MPP7: variants seen among roughly 807,000 people sequenced by gnomAD.
MPP7 encodes the protein MAGUK p55 subfamily member 7.
A neutral mutation model predicts 76.5 loss-of-function variants in MPP7; 60 were observed. The ratio of observed to expected loss-of-function variants is 0.78; its 90% CI spans 0.64 to 0.97. The LOEUF is 0.97. Ranked by LOEUF, MPP7 falls within the 50% of genes least tolerant of loss-of-function variation. The pLI is 0.00. For synonymous variants in MPP7, 237 were observed against 244.5 expected (o/e 0.97, Z 0.29); for missense variants, 641 against 694.0 (o/e 0.92, Z 0.86).
chr10:28,167,845 G>C (rs1232419508), intron 3 of MPP7, among the ~76,000 whole-genome samples: 1 of 152,260 alleles, frequency 6.6e-6, no homozygotes, highest in East Asian at 1.9e-4. Context: ...ACCAATACTT[G>C]AGATTTACAG....
At chr10:28,315,343 A>T (rs749285387) in intron 2 of MPP7, among the ~76,000 whole-genome samples, 1 of 129,206 alleles carries the variant, frequency 7.7e-6, no homozygotes, top group Non-Finnish European at 1.6e-5. Context: ...AGAAGGAGGG[A>T]GGGAAGGAGG....
chr10:28,146,028 C>A (rs1480180268), intron 5 of MPP7, among the ~76,000 whole-genome samples: 1 of 152,074 alleles, frequency 6.6e-6, no homozygotes, highest in Non-Finnish European at 1.5e-5. Context: ...ATTTCTAATA[C>A]CCTTGAACCA....
chr10:28,219,062 C>T (rs1588941676), intron 2 of MPP7, among the ~76,000 whole-genome samples: 2 of 152,238 alleles, frequency 1.3e-5, no homozygotes, highest in East Asian at 1.9e-4. Flanking sequence ...TGACAAAGTA[C>T]GGAGCATAGA....
chr10:28,069,925 C>T, intron 12 of MPP7, 73 bp from the exon 13 acceptor site: 1 of 1,101,010 alleles, frequency 9.1e-7, no homozygotes, highest in Non-Finnish European at 1.4e-6. Context: ...TGACATGAGT[C>T]TCTAAGACAG....
chr10:28,128,447 G>A (rs1051637770), intron 6 of MPP7, among the ~76,000 whole-genome samples: 5 of 152,094 alleles, frequency 3.3e-5, no homozygotes, highest in African/African-American at 1.2e-4. Context: ...TTCAGATTTG[G>A]GATGCTCACT....
intron 2 of MPP7, among the ~76,000 whole-genome samples, chr10:28,325,532 C>T (rs373560267): frequency 1.1e-4 from 17 of 151,708 alleles, no homozygotes; most frequent in Admixed American, 7.2e-4. Flanking sequence ...CTTGCTCTGT[C>T]GCCCAGGCTG....
chr10:28,068,437 T>C (rs3885634), intron 13 of MPP7, among the ~76,000 whole-genome samples: 24,617 of 152,120 alleles, frequency 0.16, 2,969 homozygotes, highest in East Asian at 0.62. Context: ...GTACTAAAAC[T>C]GCTTGAAAAA....
chr10:28,320,992 C>A (rs1397282024), intron 2 of MPP7, among the ~76,000 whole-genome samples: 6 of 152,100 alleles, frequency 3.9e-5, no homozygotes, highest in Admixed American at 3.9e-4. Context: ...AGGCCCCATG[C>A]CCACTCTGAC....
chr10:28,148,938 G>A (rs189667979), intron 4 of MPP7, among the ~76,000 whole-genome samples: 4 of 152,034 alleles, frequency 2.6e-5, no homozygotes, highest in Admixed American at 2.6e-4. Context: ...AACTTTATTT[G>A]CCTTCATTTA....
At chr10:28,179,361 G>C (rs892693737) in intron 3 of MPP7, among the ~76,000 whole-genome samples, 1 of 152,014 alleles carries the variant, frequency 6.6e-6, no homozygotes, top group Non-Finnish European at 1.5e-5. Flanking sequence ...GTGATTACTT[G>C]AGTGTTGATT....
At chr10:28,169,443 GA>G (rs1450353104) in intron 3 of MPP7, among the ~76,000 whole-genome samples, 1 of 152,100 alleles carries the variant, frequency 6.6e-6, no homozygotes, top group Non-Finnish European at 1.5e-5. Context: ...TTGAGCACAG[GA>G]GTTCAAGGCT....
chr10:28,090,844 A>G (rs1574418), intron 11 of MPP7, among the ~76,000 whole-genome samples: 37,943 of 152,094 alleles, frequency 0.25, 6,632 homozygotes, highest in East Asian at 0.88. Flanking sequence ...TGTGACACAT[A>G]TGAAATTAAG....
At chr10:28,239,424 G>A (rs1320033071) in intron 1 of MPP7, among the ~76,000 whole-genome samples, 1 of 152,056 alleles carries the variant, frequency 6.6e-6, no homozygotes, top group Non-Finnish European at 1.5e-5. Flanking sequence ...TGGGATTACA[G>A]GTGTGAGTAA....
In MPP7 at chr10:28,262,638, C is replaced by T. The variant is rs139186581; in HGVS notation, c.-131-23903G>A. On this transcript the variant is annotated intron_variant, in intron 1 of 16. Coordinates refer to ENST00000683449, the MANE Select transcript of MPP7 (RefSeq NM_001318170.2). Reference sequence around the variant, plus strand: ...TCCTTTCTTTCCTAAGAAACATTCGCTAGTTACACAAAAAGCTGCACCTAT... The same window carrying T: ...TCCTTTCTTTCCTAAGAAACATTCGTTAGTTACACAAAAAGCTGCACCTAT... 4.4e-4 allele frequency among the ~76,000 whole-genome samples: 67 copies of T among 152,224 alleles called. No homozygotes were observed. The East Asian group carries it at 0.013, about 29-fold the overall frequency.
At chr10:28,144,592 C>T (rs959259550) in intron 5 of MPP7, among the ~76,000 whole-genome samples, 3 of 152,144 alleles carry the variant, frequency 2.0e-5, no homozygotes, top group African/African-American at 7.2e-5. Context: ...ACTTCACATG[C>T]TCTTCCCTGT....
intron 12 of MPP7, among the ~76,000 whole-genome samples, chr10:28,079,826 TTAA>T (rs1852675793): frequency 6.6e-6 from 1 of 152,102 alleles, no homozygotes; most frequent in Non-Finnish European, 1.5e-5. Flanking sequence ...TGTGTATATT[TTAA>T]ATGACAGTCA....
rs1318452311 is a variant in MPP7 at position 28,056,604 on chromosome 10, G to A, written c.1427C>T (p.Thr476Ile). 3 of 1,597,774 alleles carry A rather than the reference G, an allele frequency of 1.9e-6. No individual in the cohort carries two copies. Among genetic ancestry groups the A allele is most frequent in the Non-Finnish European group, 2.6e-6 (3 of 1,176,226 alleles). The stretch of plus-strand genomic sequence containing the variant: ...TATCACATAGGGCTTAAATTCTAGT[G>A]TCCTTAAATGCTTCACTGTCTACAA... ...VQPHTVKHLR[T>I]LEFKPYVIFI... Residue 476 changes from threonine (T) to isoleucine (I), a missense_variant, in exon 16 of 17, where the codon ACA (threonine) becomes ATA (isoleucine). Transcript: ENST00000683449.
chr10:28,325,659 AATTTTTGT>A (rs1294846244), intron 2 of MPP7, among the ~76,000 whole-genome samples: 2 of 151,730 alleles, frequency 1.3e-5, no homozygotes, highest in Non-Finnish European at 2.9e-5. Flanking sequence ...ATACCCGGCT[AATTTTTGT>A]ATTTTTAGTA....
At chr10:28,124,499 G>T (rs1359968274) in intron 7 of MPP7, among the ~76,000 whole-genome samples, 1 of 95,016 alleles carries the variant, frequency 1.1e-5, no homozygotes, top group Non-Finnish European at 1.8e-5. Context: ...TTTTTGAGAC[G>T]GAGTCTCGCT....
Sources: allele counts gnomAD v4.1 joint callset (sites outside exome capture counted in the v4.1 genomes callset), GRCh38; gene constraint gnomAD v4.1.1; transcripts MANE v1.5; gene names NCBI Gene and HGNC (gene_info 2026-07-23, HGNC 2026-07-21).